UGT1A9: variants seen among roughly 807,000 people sequenced by gnomAD.
UGT1A9 encodes the protein UDP-glucuronosyltransferase 1A9.
UGT1A9 carries 35 observed loss-of-function variants against 45.0 expected under a neutral mutation model. The observed-to-expected ratio is 0.78, with a 90% CI of 0.59 to 1.03. The LOEUF (loss-of-function observed/expected upper bound fraction) is 1.03. Ranked by LOEUF, UGT1A9 falls within the 50% of genes least tolerant of loss-of-function variation. The probability of loss-of-function intolerance (pLI) is 0.00; values close to 1 mark genes in which losing one functional copy is unlikely to be tolerated. For missense variants in UGT1A9, 687 were observed against 666.6 expected (o/e 1.03, Z -0.34); for synonymous variants, 278 against 250.6 (o/e 1.11, Z -1.03).
Position 233,729,231 on chromosome 2 carries a change from C to G in UGT1A9, c.856-37803C>G, listed in dbSNP as rs777258735. ...AGAGTGGAAAGGTGTTGGTGGTGCC[C>G]ATTGATGGCAGCCACTGGCTCAGCA... On this transcript the variant is annotated intron_variant, in intron 1 of 4. Transcript: ENST00000354728. The G allele has an allele frequency of 2.5e-6, 4 of 1,614,060 alleles. No homozygotes were observed. The African/African-American group carries it at 4.0e-5, about 16-fold the overall frequency.
intron 1 of UGT1A9, among the ~76,000 whole-genome samples, chr2:233,758,923 C>T (rs1697018666): frequency 6.6e-6 from 1 of 152,192 alleles, no homozygotes; most frequent in Non-Finnish European, 1.5e-5. Context: ...TCATCTTTCC[C>T]TTTTGACTTC....
At chr2:233,677,067 A>G (rs1037275655) in intron 1 of UGT1A9, among the ~76,000 whole-genome samples, 1 of 151,932 alleles carries the variant, frequency 6.6e-6, no homozygotes, top group Non-Finnish European at 1.5e-5. Context: ...AAATAAGTTC[A>G]TTAATGTGTG....
intron 1 of UGT1A9, chr2:233,719,180 A>G (rs778527211): frequency 1.6e-5 from 26 of 1,614,056 alleles, no homozygotes; most frequent in Admixed American, 1.3e-4. Flanking sequence ...TGAACAATGT[A>G]TCTTTGGCCC....
Position 233,769,514 on chromosome 2 carries a change from A to G in UGT1A9, c.1295+1075A>G. 2 of 1,612,844 alleles carry G rather than the reference A, an allele frequency of 1.2e-6. No homozygotes were observed. The highest frequency in any genetic ancestry group is 1.7e-6 in the Non-Finnish European group (2 of 1,179,856). ...ATGAGAGTGTCCATTGCTTTCTCCCATGGTTACCTCCTTTAGAAAGAAGCA... is the reference window on the plus strand; with the variant it reads ...ATGAGAGTGTCCATTGCTTTCTCCCGTGGTTACCTCCTTTAGAAAGAAGCA... On this transcript the variant is annotated intron_variant, in intron 4 of 4. Transcript: ENST00000354728. This position sits in a 1 kb window ranked among gnomAD's most constrained non-coding sequence, Gnocchi z 4.4.
chr2:233,728,929 G>A (rs533311965), intron 1 of UGT1A9, among the ~76,000 whole-genome samples: 12 of 142,966 alleles, frequency 8.4e-5, no homozygotes, highest in Admixed American at 6.7e-4. Context: ...AGTCATGATC[G>A]GTCTTTTCCA....
intron 1 of UGT1A9, among the ~76,000 whole-genome samples, chr2:233,723,417 T>C (rs2077082381): frequency 7.4e-6 from 1 of 134,694 alleles, no homozygotes; most frequent in African/African-American, 3.0e-5. Flanking sequence ...ACCATACTGG[T>C]CAGGCTGGTC....
intron 1 of UGT1A9, among the ~76,000 whole-genome samples, chr2:233,714,978 C>T (rs1467606775): frequency 1.3e-5 from 2 of 152,150 alleles, no homozygotes; most frequent in African/African-American, 4.8e-5. Context: ...CCAGGTTCAA[C>T]TGATTCTCCT....
At chr2:233,758,458 C>T (rs1696885230) in intron 1 of UGT1A9, among the ~76,000 whole-genome samples, 1 of 152,224 alleles carries the variant, frequency 6.6e-6, no homozygotes, top group Non-Finnish European at 1.5e-5. Context: ...GAAGAATTAT[C>T]ACCCTTAAGG....
At chr2:233,716,496 C>T (rs2076507073) in intron 1 of UGT1A9, among the ~76,000 whole-genome samples, 1 of 152,152 alleles carries the variant, frequency 6.6e-6, no homozygotes, top group African/African-American at 2.4e-5. Context: ...TTCTATTCTC[C>T]AGGCTTCAGA....
chr2:233,688,214 G>A (rs1164315622), intron 1 of UGT1A9, among the ~76,000 whole-genome samples: 3 of 152,134 alleles, frequency 2.0e-5, no homozygotes, highest in South Asian at 2.1e-4. Flanking sequence ...TAGTTTTGTG[G>A]CTTATCCATG....
chr2:233,704,137 C>T (rs562114824), intron 1 of UGT1A9, among the ~76,000 whole-genome samples: 13 of 152,058 alleles, frequency 8.5e-5, no homozygotes, highest in South Asian at 8.3e-4. Context: ...GTGATCCACC[C>T]GCCTCAGCCT....
intron 1 of UGT1A9, among the ~76,000 whole-genome samples, chr2:233,764,010 C>T (rs956490955): frequency 8.5e-5 from 13 of 152,216 alleles, no homozygotes; most frequent in Admixed American, 5.2e-4. Context: ...CACAGATGAC[C>T]CACATGGTGT....
At chr2:233,737,783 T>C (rs2125810890) in intron 1 of UGT1A9, among the ~76,000 whole-genome samples, 1 of 152,286 alleles carries the variant, frequency 6.6e-6, no homozygotes, top group Non-Finnish European at 1.5e-5. Context: ...GTTAACTACA[T>C]TGGCTCAAAT....
chr2:233,694,746 A>G (rs1358887678), intron 1 of UGT1A9, among the ~76,000 whole-genome samples: 1 of 152,224 alleles, frequency 6.6e-6, no homozygotes, highest in East Asian at 1.9e-4. Flanking sequence ...AACAGTTGGC[A>G]GTAGCCACTG....
chr2:233,676,461 C>T (rs1329467073), intron 1 of UGT1A9, among the ~76,000 whole-genome samples: 1 of 152,204 alleles, frequency 6.6e-6, no homozygotes, highest in Non-Finnish European at 1.5e-5. Flanking sequence ...TCCATCACAA[C>T]TCATTCACCA....
At chr2:233,743,869 G>C (rs763783144) in intron 1 of UGT1A9, 3 of 1,367,140 alleles carry the variant, frequency 2.2e-6, no homozygotes, top group Non-Finnish European at 2.9e-6. Context: ...TGATGGCCTC[G>C]GATGAGGCCT....
Position 233,684,659 on chromosome 2 carries a change from T to G in UGT1A9, c.855+11870T>G, listed in dbSNP as rs1447960748. Among the ~76,000 whole-genome samples the G allele has an allele frequency of 1.1e-4, 16 of 152,160 alleles. 1 individual carries two copies. The highest frequency in any genetic ancestry group is 9.8e-4 in the Admixed American group (15 of 15,270). ...TAAAATATATGCATTTATATGCCTT[T>G]AAGGAATATACATATGATAGGATTT... On this transcript the variant is annotated intron_variant, in intron 1 of 4. Transcript: ENST00000354728.
chr2:233,691,493 C>T, intron 1 of UGT1A9: 1 of 985,764 alleles, frequency 1.0e-6, no homozygotes, highest in Non-Finnish European at 1.2e-6. Context: ...TGGGTGGGAA[C>T]AGGAACTCGC....
chr2:233,713,425 C>T (rs748267657), intron 1 of UGT1A9: 29 of 1,614,004 alleles, frequency 1.8e-5, no homozygotes, highest in Non-Finnish European at 2.4e-5. Context: ...CATGCTACTT[C>T]CTTTGATGTG....
Sources: gnomAD v4.1 joint callset for allele counts (sites outside exome capture counted in the v4.1 genomes callset) on GRCh38, gnomAD v4.1.1 for gene constraint, Gnocchi (gnomAD v3.1) non-coding constraint, MANE v1.5 for transcripts, NCBI Gene and HGNC (gene_info 2026-07-23, HGNC 2026-07-21) for gene names.